The following ELP4 variants were observed in gnomAD, a reference collection of about 807,000 sequenced individuals.
ELP4 encodes the protein elongator complex protein 4.
A neutral mutation model predicts 48.9 loss-of-function variants in ELP4; 51 were observed. The observed-to-expected ratio is 1.04, with a 90% CI of 0.83 to 1.32. The LOEUF (loss-of-function observed/expected upper bound fraction) is 1.32. Ranked by LOEUF, ELP4 falls within the 40% of genes most tolerant of loss-of-function variation. The probability of loss-of-function intolerance (pLI) is 0.00; values close to 1 mark genes in which losing one functional copy is unlikely to be tolerated. For synonymous variants in ELP4, 210 were observed against 189.2 expected, an observed-to-expected ratio of 1.11 and a Z score of -0.90; for missense variants, 519 against 514.6, an observed-to-expected ratio of 1.01 and a Z score of -0.08.
At chr11:31,612,324 A>G (rs921956922) in intron 5 of ELP4, among the ~76,000 whole-genome samples, 5 of 152,170 alleles carry the variant, frequency 3.3e-5, no homozygotes, top group Non-Finnish European at 4.4e-5. Context: ...GGGAGTGGTT[A>G]CTTACCTCTT....
intron 9 of ELP4, among the ~76,000 whole-genome samples, chr11:31,765,409 A>G (rs1339510222): frequency 6.6e-6 from 1 of 152,196 alleles, no homozygotes; most frequent in African/African-American, 2.4e-5. Context: ...CCCTAATGCA[A>G]CCTAACCAAG....
At chr11:31,769,613 T>A (rs1287912855) in intron 9 of ELP4, among the ~76,000 whole-genome samples, 1 of 152,178 alleles carries the variant, frequency 6.6e-6, no homozygotes, top group Non-Finnish European at 1.5e-5. Flanking sequence ...CTGCTGCAGT[T>A]CTTAAAATCT....
chr11:31,556,642 A>G (rs1426246671), intron 3 of ELP4, among the ~76,000 whole-genome samples: 2 of 151,918 alleles, frequency 1.3e-5, no homozygotes, highest in Admixed American at 1.3e-4. Context: ...TAATTTGAAT[A>G]TTAGCTAGTG....
chr11:31,571,899 G>T (rs1443706312), intron 3 of ELP4, among the ~76,000 whole-genome samples: 1 of 152,114 alleles, frequency 6.6e-6, no homozygotes, highest in East Asian at 1.9e-4. Flanking sequence ...AGGCTTTGTT[G>T]TTCTGTTTAT....
At chr11:31,675,504 G>A (rs898845146) in intron 9 of ELP4, among the ~76,000 whole-genome samples, 6 of 152,050 alleles carry the variant, frequency 3.9e-5, no homozygotes, top group Admixed American at 6.6e-5. Context: ...CAGGTGATCC[G>A]CCCGCCTCGG....
intron 9 of ELP4, among the ~76,000 whole-genome samples, chr11:31,749,222 G>A (rs1301878835): frequency 6.6e-6 from 1 of 152,176 alleles, no homozygotes; most frequent in East Asian, 1.9e-4. Flanking sequence ...TGGAAGAAAT[G>A]CACAGGACAT....
intron 9 of ELP4, among the ~76,000 whole-genome samples, chr11:31,721,974 A>G (rs187634506): frequency 1.3e-3 from 192 of 152,182 alleles, no homozygotes; most frequent in African/African-American, 4.5e-3. Flanking sequence ...CCTCGCTTTT[A>G]TTATGTACCC....
chr11:31,733,312 C>G (rs893718038), intron 9 of ELP4, among the ~76,000 whole-genome samples: 7 of 151,792 alleles, frequency 4.6e-5, no homozygotes, highest in African/African-American at 1.7e-4. Context: ...CCCATCTCTA[C>G]TAAAAATACA....
intron 9 of ELP4, among the ~76,000 whole-genome samples, chr11:31,754,438 A>C (rs998803531): frequency 6.6e-6 from 1 of 152,116 alleles, no homozygotes; most frequent in Non-Finnish European, 1.5e-5. Flanking sequence ...TACTTCAGTG[A>C]CTTGCACCTA....
intron 9 of ELP4, among the ~76,000 whole-genome samples, chr11:31,660,562 A>T (rs889324184): frequency 2.0e-5 from 3 of 152,178 alleles, no homozygotes; most frequent in African/African-American, 7.2e-5. Context: ...TATATACTTG[A>T]TATAAATAAT....
At chr11:31,722,701 C>G (rs1223988423) in intron 9 of ELP4, among the ~76,000 whole-genome samples, 1 of 89,336 alleles carries the variant, frequency 1.1e-5, no homozygotes, top group Non-Finnish European at 2.0e-5. Flanking sequence ...CTCTCTGTCT[C>G]TCTCTTTCTC....
intron 5 of ELP4, among the ~76,000 whole-genome samples, chr11:31,616,282 G>A (rs1470114891): frequency 6.6e-6 from 1 of 151,994 alleles, no homozygotes; most frequent in East Asian, 1.9e-4. Context: ...ATAAATTTTG[G>A]TATATATGGT....
chr11:31,675,575 T>TA (rs893275702), intron 9 of ELP4, among the ~76,000 whole-genome samples: 19 of 152,146 alleles, frequency 1.2e-4, no homozygotes, highest in African/African-American at 4.3e-4. Flanking sequence ...TTAATCTTTT[T>TA]AAAAAATATA....
chr11:31,584,777 G>C (rs940481082), intron 3 of ELP4, among the ~76,000 whole-genome samples: 39 of 152,124 alleles, frequency 2.6e-4, no homozygotes, highest in African/African-American at 8.9e-4. Context: ...TGCCCACCTC[G>C]GCTTCCCAAA....
At chr11:31,556,879 T>G (rs947739968) in intron 3 of ELP4, among the ~76,000 whole-genome samples, 2 of 151,898 alleles carry the variant, frequency 1.3e-5, no homozygotes, top group African/African-American at 4.8e-5. Flanking sequence ...ATATTAGAAC[T>G]ACCTTGATGT....
intron 2 of ELP4, among the ~76,000 whole-genome samples, chr11:31,520,729 C>T (rs1466286320): frequency 3.3e-5 from 5 of 152,140 alleles, no homozygotes; most frequent in East Asian, 3.9e-4. Flanking sequence ...TATAAATTTA[C>T]GTAGTTTTTC....
intron 2 of ELP4, 122 bp downstream of exon 2, chr11:31,520,213 TAGAG>T: frequency 1.3e-6 from 1 of 785,030 alleles, no homozygotes; most frequent in Non-Finnish European, 2.0e-6. Context: ...TAAGATAAAT[TAGAG>T]AGGAATTGAC....
chr11:31,682,025 G>C, intron 9 of ELP4: 2 of 1,288,306 alleles, frequency 1.6e-6, no homozygotes, highest in Non-Finnish European at 2.0e-6. Context: ...ACAGGCATGA[G>C]CTACCGCGCC....
intron 5 of ELP4, among the ~76,000 whole-genome samples, chr11:31,619,426 G>A (rs1038379402): frequency 2.0e-5 from 3 of 151,980 alleles, no homozygotes; most frequent in Non-Finnish European, 2.9e-5. Flanking sequence ...TAACAGAAAT[G>A]TATTTCTTAT....
Sources: gnomAD v4.1 joint callset for allele counts (sites outside exome capture counted in the v4.1 genomes callset) on GRCh38, gnomAD v4.1.1 for gene constraint, MANE v1.5 for transcripts, NCBI Gene and HGNC (gene_info 2026-07-23, HGNC 2026-07-21) for gene names.